TLL2: variants seen among roughly 807,000 people sequenced by gnomAD.
TLL2 encodes the protein tolloid like 2.
A neutral mutation model predicts 123.0 loss-of-function variants in TLL2; 106 were observed. The ratio of observed to expected loss-of-function variants is 0.86; its 90% CI spans 0.74 to 1.01. The LOEUF is 1.01. Among genes scored for constraint, TLL2 ranks in the 50% least tolerant of loss-of-function variants. The pLI is 0.00. For missense variants in TLL2, 1,332 were observed against 1,336.7 expected, an observed-to-expected ratio of 1.00 and a Z score of 0.06; for synonymous variants, 494 against 516.8, an observed-to-expected ratio of 0.96 and a Z score of 0.60.
At position 96,366,914 on chromosome 10, in the gene TLL2, T is replaced by C. The variant is rs554602254; in HGVS notation, c.*1174A>G. The C allele has an allele frequency of 1.3e-5, 2 of 152,770 alleles. No homozygotes were observed. The highest frequency in any genetic ancestry group is 4.1e-4 in the South Asian group (2 of 4,820). The allele number at this position is 152,770 out of a possible 1,614,324, so 9.5% of individuals were successfully genotyped here. A position where few individuals can be genotyped will look rare whatever the true frequency, so the allele number is the denominator to read the frequency against. On this transcript the variant is annotated 3_prime_UTR_variant, in exon 21 of 21. Transcript: ENST00000357947. ...AAATTATACCTTGAGGTGCTAAAAT[T>C]ATGTAAACATCATCCTCTACACTTC...
chr10:96,444,984 C>T (rs1054902872), intron 3 of TLL2, among the ~76,000 whole-genome samples: 7 of 152,072 alleles, frequency 4.6e-5, no homozygotes, highest in South Asian at 2.1e-4. Context: ...GGTCAGCAGA[C>T]CGAGACCATC....
chr10:96,477,427 C>A (rs1466669787), intron 2 of TLL2, among the ~76,000 whole-genome samples: 1 of 151,374 alleles, frequency 6.6e-6, no homozygotes, highest in Non-Finnish European at 1.5e-5. Context: ...TTGCTCACTG[C>A]AGCCTCGATC....
chr10:96,441,839 G>A lies in TLL2; in HGVS notation c.364+4252C>T, dbSNP rs528296355. 4.6e-5 allele frequency among the ~76,000 whole-genome samples: 7 copies of A among 152,296 alleles called. No individual in the cohort carries two copies. The South Asian group carries it at 6.2e-4, about 14-fold the overall frequency. On this transcript the variant is annotated intron_variant, in intron 3 of 20. Transcript: ENST00000357947. ...AGTTGTTACACCCAAGTAAACTGAC[G>A]TAAGTGATGTTAGGAATTCCAGCGT...
intron 4 of TLL2, 58 bp from the exon 5 acceptor site, chr10:96,428,806 C>CT (rs372525316): frequency 6.6e-3 from 7,033 of 1,058,310 alleles, no homozygotes; most frequent in Non-Finnish European, 7.3e-3. Flanking sequence ...TCTTTAGATG[C>CT]TTTTTTTTTT....
chr10:96,395,504 G>T, intron 12 of TLL2, 122 bp from the exon 13 acceptor site: 1 of 973,868 alleles, frequency 1.0e-6, no homozygotes, highest in Non-Finnish European at 1.5e-6. Flanking sequence ...ACCCAAGTGT[G>T]TCCCAGGTCT....
intron 16 of TLL2, among the ~76,000 whole-genome samples, chr10:96,381,289 T>C (rs1846185718): frequency 1.3e-5 from 2 of 152,220 alleles, no homozygotes; most frequent in Admixed American, 1.3e-4. Context: ...AGGCTTCCCC[T>C]GCTCAAGAAC....
chr10:96,513,399 C>CAGGGG, intron 1 of TLL2, 112 bp downstream of exon 1: 3 of 1,364,172 alleles, frequency 2.2e-6, no homozygotes, highest in Admixed American at 3.9e-5. Context: ...CCGGGGATCT[C>CAGGGG]AGGGGAGGGG....
intron 19 of TLL2, among the ~76,000 whole-genome samples, chr10:96,370,827 G>C (rs1172948634): frequency 6.6e-6 from 1 of 152,176 alleles, no homozygotes; most frequent in Non-Finnish European, 1.5e-5. Context: ...TAAATGACTG[G>C]TTTTTGCATT....
chr10:96,381,641 C>T (rs1006455847), intron 16 of TLL2, among the ~76,000 whole-genome samples: 1 of 152,188 alleles, frequency 6.6e-6, no homozygotes, highest in Admixed American at 6.5e-5. Flanking sequence ...GGCTTCTCTT[C>T]TTCAAACATT....
chr10:96,434,371 C>A (rs1846773183), intron 3 of TLL2, among the ~76,000 whole-genome samples: 1 of 152,204 alleles, frequency 6.6e-6, no homozygotes, highest in Non-Finnish European at 1.5e-5. Flanking sequence ...TTCCCGAGAC[C>A]TTGGCAACCA....
At position 96,452,742 on chromosome 10, in the gene TLL2, C is replaced by T. The variant is rs569904327; in HGVS notation, c.287-6574G>A. On this transcript the variant is annotated intron_variant, in intron 2 of 20. Transcript: ENST00000357947. ...ACAGGTGTGGCCTGAGCAAGCATCC[C>T]GGGGAAGGGCAATGAATGAATGAAT... 1.1e-4 allele frequency among the ~76,000 whole-genome samples: 16 copies of T among 152,224 alleles called. No individual in the cohort carries two copies. In the East Asian group the frequency reaches 2.5e-3, roughly 24 times the overall value.
At chr10:96,417,495 C>T (rs1035561354) in intron 7 of TLL2, among the ~76,000 whole-genome samples, 1 of 152,206 alleles carries the variant, frequency 6.6e-6, no homozygotes, top group African/African-American at 2.4e-5. Context: ...GCTTCCATAC[C>T]TCCCAGTAAG....
chr10:96,442,423 C>T (rs890393560), intron 3 of TLL2, among the ~76,000 whole-genome samples: 1 of 152,180 alleles, frequency 6.6e-6, no homozygotes, highest in African/African-American at 2.4e-5. Flanking sequence ...CCAGCGCTGG[C>T]GCCGACAGCA....
chr10:96,381,828 G>A lies in TLL2; in HGVS notation c.2195-2736C>T, dbSNP rs559975760. ...AGCAGACACTCAAAACAAAAAACAT[G>A]ACTTGCTCAGTGAGAGACTGCCAAA... On this transcript the variant is annotated intron_variant, in intron 16 of 20. Transcript: ENST00000357947. Among the ~76,000 whole-genome samples the A allele has an allele frequency of 2.6e-5, 4 of 152,070 alleles. No individual in the cohort carries two copies. In the South Asian group the frequency reaches 8.3e-4, roughly 32 times the overall value.
At chr10:96,474,113 C>A (rs528801499) in intron 2 of TLL2, among the ~76,000 whole-genome samples, 1 of 152,140 alleles carries the variant, frequency 6.6e-6, no homozygotes, top group Non-Finnish European at 1.5e-5. Flanking sequence ...CATAGAACAG[C>A]GTGGCCAATG....
chr10:96,446,059 G>T (rs749987730), intron 3 of TLL2, 32 bp downstream of exon 3: 1 of 1,608,282 alleles, frequency 6.2e-7, no homozygotes, highest in South Asian at 1.1e-5. Context: ...AGAAAACAAG[G>T]TACCCAAAGA....
chr10:96,483,337 G>T (rs1218733225), intron 1 of TLL2, among the ~76,000 whole-genome samples: 1 of 152,192 alleles, frequency 6.6e-6, no homozygotes, highest in Non-Finnish European at 1.5e-5. Context: ...AGAGCTACTG[G>T]CAGGAGGTGG....
chr10:96,378,169 C>T (rs897304439), intron 17 of TLL2, among the ~76,000 whole-genome samples: 2 of 152,256 alleles, frequency 1.3e-5, no homozygotes, highest in Non-Finnish European at 2.9e-5. Context: ...CCAGACTCTG[C>T]GGCACCCAGC....
At chr10:96,386,869 G>T (rs1846239158) in intron 14 of TLL2, 84 bp downstream of exon 14, 1 of 1,579,274 alleles carries the variant, frequency 6.3e-7, no homozygotes, top group Non-Finnish European at 8.7e-7. Context: ...TACACAGCCA[G>T]CTGGTTGCCC....
Sources: gnomAD v4.1 joint callset for allele counts (sites outside exome capture counted in the v4.1 genomes callset) on GRCh38, gnomAD v4.1.1 for gene constraint, MANE v1.5 for transcripts, NCBI Gene and HGNC (gene_info 2026-07-23, HGNC 2026-07-21) for gene names.